SLC52A1: variants seen among roughly 807,000 people sequenced by gnomAD.
SLC52A1 encodes the protein solute carrier family 52 member 1.
A neutral mutation model predicts 23.2 loss-of-function variants in SLC52A1; 20 were observed. That is an observed-to-expected ratio of 0.86 (90% CI 0.61 to 1.25). SLC52A1 has a LOEUF of 1.25. SLC52A1 is among the 50% of genes most tolerant of loss of function. The pLI is 0.00. For missense variants in SLC52A1, 528 were observed against 557.0 expected (o/e 0.95, Z 0.52); for synonymous variants, 260 against 256.6 (o/e 1.01, Z -0.13).
chr17:5,038,969 A>C (rs1485367544), upstream of SLC52A1, among the ~76,000 whole-genome samples: 1 of 152,164 alleles, frequency 6.6e-6, no homozygotes, highest in African/African-American at 2.4e-5. Context: ...CCAAAAGTCC[A>C]ATGGAGTGGC....
rs16954357 is a variant in SLC52A1, at chr17:5,034,672, C to T, written c.-66G>A. 119,163 of 1,587,068 alleles carry T rather than the reference C, an allele frequency of 0.075. 4,986 individuals carry two copies. The highest frequency in any genetic ancestry group is 0.14 in the Middle Eastern group (830 of 5,916). On this transcript the variant is annotated 5_prime_UTR_variant, in exon 2 of 5. Coordinates refer to ENST00000254853, the MANE Select transcript of SLC52A1 (RefSeq NM_017986.4). ...CAGGCAGGTCCTTCCCTAGGTAGGT[C>T]CAAAGATGCTTTGGTTCTTCTGGAA...
In SLC52A1 at chr17:5,032,911, A is replaced by G. The variant is rs1975344018; in HGVS notation, c.*46T>C. On this transcript the variant is annotated 3_prime_UTR_variant, in exon 5 of 5. Coordinates refer to ENST00000254853, the MANE Select transcript of SLC52A1 (RefSeq NM_017986.4). ...AGTAGTCAGGCACTGTGGCAGCCTC[A>G]CGATGAAGACAGGTGGGGTGGAGTT... 6.4e-7 allele frequency: 1 copy of G among 1,561,426 alleles called. No individual in the cohort carries two copies.
upstream of SLC52A1, among the ~76,000 whole-genome samples, chr17:5,040,243 A>C (rs1236171922): frequency 1.3e-5 from 2 of 151,860 alleles, no homozygotes; most frequent in Non-Finnish European, 2.9e-5. Context: ...GTGTCATCAC[A>C]TCTCACTGCA....
In SLC52A1 at chr17:5,033,756, T is replaced by A; in HGVS notation, c.733A>T (p.Lys245Ter). ...LGSPGAEEEE[K>*]EEEEALPLQE... ...AATGGCAAAGCCTCTTCTTCCTCCT[T>A]CTCTTCCTCCTCTGCTCCTGGGGAT... The change falls in exon 3 of 5, where the codon AAG (lysine) becomes TAG (stop). Residue 245 changes from lysine (K) to a stop codon, truncating the protein, a stop_gained. Coordinates refer to ENST00000254853, the MANE Select transcript of SLC52A1 (RefSeq NM_017986.4). LOFTEE classifies it high-confidence loss of function. 6.2e-7 allele frequency: 1 copy of A among 1,614,114 alleles called. No homozygotes were observed. The highest frequency in any genetic ancestry group is 8.5e-7 in the Non-Finnish European group (1 of 1,180,018).
At chr17:5,037,387 C>T (rs1031677160), upstream of SLC52A1, among the ~76,000 whole-genome samples, 20 of 152,026 alleles carry the variant, frequency 1.3e-4, no homozygotes, top group East Asian at 3.9e-4. Flanking sequence ...GGTATGGTGG[C>T]GGGCGCCTGT....
In SLC52A1 at chr17:5,034,079, C is replaced by T. The variant is rs1160538376; in HGVS notation, c.410G>A (p.Ser137Asn). Reference protein sequence around the residue: ...TSNVTFLPFLSHLPPPFLRSF... With the variant: ...TSNVTFLPFLNHLPPPFLRSF... ...CCGTAAGAAAGGAGGTGGCAGGTGG[C>T]TCAGGAAGGGCAGGAAAGTGACATT... Residue 137 changes from serine (S) to asparagine (N), a missense_variant, in exon 3 of 5, where the codon AGC (serine) becomes AAC (asparagine). By Grantham distance (46) the Ser-to-Asn change is conservative. Transcript: ENST00000254853. 6 of 1,614,192 alleles carry T rather than the reference C, an allele frequency of 3.7e-6. No individual in the cohort carries two copies. The highest frequency in any genetic ancestry group is 5.1e-6 in the Non-Finnish European group (6 of 1,180,026).
upstream of SLC52A1, among the ~76,000 whole-genome samples, chr17:5,038,548 C>G (rs1308702787): frequency 1.3e-5 from 2 of 152,102 alleles, no homozygotes; most frequent in Non-Finnish European, 2.9e-5. Flanking sequence ...GTTTCTAATA[C>G]TCCAAGAGGA....
At chr17:5,042,319 G>A (rs1468701055) in intron 1 of SLC52A1, among the ~76,000 whole-genome samples, 1 of 152,138 alleles carries the variant, frequency 6.6e-6, no homozygotes. Flanking sequence ...TCCCGTGTCT[G>A]TGTAGAGAAA....
At chr17:5,036,012 G>A (rs1042492042), upstream of SLC52A1, among the ~76,000 whole-genome samples, 3 of 140,816 alleles carry the variant, frequency 2.1e-5, no homozygotes, top group Admixed American at 1.5e-4. Flanking sequence ...ACCACACCTA[G>A]CTACCGCCAC....
intron 1 of SLC52A1, among the ~76,000 whole-genome samples, chr17:5,041,693 G>C (rs915711234): frequency 1.3e-5 from 2 of 152,040 alleles, no homozygotes; most frequent in Non-Finnish European, 2.9e-5. Context: ...TGGCCAGGCT[G>C]GTCTCGAACT....
In SLC52A1 at chr17:5,041,107, T is replaced by C. The variant is rs376723284; in HGVS notation, c.-107-6394A>G. ...ACCGTGCCCGGCCTGTTGTTATTTTTGAGACAGGGTCTCTGTCGCCCAGGC... is the reference window on the plus strand; with the variant it reads ...ACCGTGCCCGGCCTGTTGTTATTTTCGAGACAGGGTCTCTGTCGCCCAGGC... On this transcript the variant is annotated intron_variant, in intron 1 of 3. Transcript: ENST00000512825. 1.9e-4 allele frequency among the ~76,000 whole-genome samples: 28 copies of C among 151,294 alleles called. No individual in the cohort carries two copies. In the East Asian group the frequency reaches 5.1e-3, roughly 28 times the overall value.
upstream of SLC52A1, among the ~76,000 whole-genome samples, chr17:5,035,754 GC>G (rs58869653): frequency 1 from 151,694 of 151,694 alleles, 75,847 homozygotes; most frequent in Non-Finnish European, 1. Flanking sequence ...GCGCAGCGGT[GC>G]GCGATCGCGG....
chr17:5,036,168 A>T (rs1975452098), upstream of SLC52A1, among the ~76,000 whole-genome samples: 1 of 147,144 alleles, frequency 6.8e-6, no homozygotes, highest in African/African-American at 2.5e-5. Context: ...AGTAGCTGGA[A>T]TTACAGGCGC....
At position 5,033,284 on chromosome 17, in the gene SLC52A1, TG is replaced by T. The variant is rs1321534808; in HGVS notation, c.1110del (p.Thr371ProfsTer22). On this transcript the variant is annotated frameshift_variant, in exon 4 of 5. Coordinates refer to ENST00000254853, the MANE Select transcript of SLC52A1 (RefSeq NM_017986.4). LOFTEE classifies it low-confidence loss of function (END_TRUNC). ...AILSPCPPLVGTTAGVVLVVL... is the reference protein window; with the variant it reads ...AILSPCPPLVXTTAGVVLVVL... ...ACCACAAGGACCACCCCTGCAGTGG[TG>T]CCCACCAGGGGTGGGCAGGGGCTCA... is the stretch of plus-strand genomic sequence containing the variant. The T allele has an allele frequency of 6.2e-7, 1 of 1,614,100 alleles. No homozygotes were observed. Among genetic ancestry groups the T allele is most frequent in the Admixed American group, 1.7e-5 (1 of 60,024 alleles).
At chr17:5,040,768 A>G (rs1212157710) in intron 1 of SLC52A1, among the ~76,000 whole-genome samples, 1 of 149,968 alleles carries the variant, frequency 6.7e-6, no homozygotes, top group East Asian at 1.9e-4. Flanking sequence ...TTCACCATAA[A>G]CCTATCATAA....
At position 5,034,563 on chromosome 17, in the gene SLC52A1, A is replaced by G; in HGVS notation, c.44T>C (p.Leu15Pro). Residue 15 changes from leucine to proline, a missense_variant, in exon 2 of 5, where the codon CTG becomes CCG. Transcript: ENST00000254853. ...TLGRLVLTHLLVALFGMGSWA... is the reference protein window; with the variant it reads ...TLGRLVLTHLPVALFGMGSWA... ...GGAGCCCATGCCAAAAAGGGCCACC[A>G]GCAGGTGGGTCAGCACCAGACGGCC... 6.2e-7 allele frequency: 1 copy of G among 1,614,238 alleles called. No homozygotes were observed. The highest frequency in any genetic ancestry group is 1.1e-5 in the South Asian group (1 of 91,086).
upstream of SLC52A1, among the ~76,000 whole-genome samples, chr17:5,039,193 C>T (rs567014995): frequency 9.2e-5 from 14 of 151,744 alleles, no homozygotes; most frequent in Middle Eastern, 3.4e-3. Flanking sequence ...CTTGGTGGCA[C>T]GCACCTGTAG....
At position 5,034,055 on chromosome 17, in the gene SLC52A1, C is replaced by G; in HGVS notation, c.434G>C (p.Arg145Pro). The G allele has an allele frequency of 6.2e-7, 1 of 1,614,092 alleles. No homozygotes were observed. Among genetic ancestry groups the G allele is most frequent in the Non-Finnish European group, 8.5e-7 (1 of 1,179,998 alleles). The part of the protein sequence containing the change: ...FLSHLPPPFL[R>P]SFFLGQGLSA... The stretch of plus-strand genomic sequence containing the variant: ...GAGACCCTGACCCAGGAAGAAAGAC[C>G]GTAAGAAAGGAGGTGGCAGGTGGCT... Residue 145 changes from arginine (R) to proline (P), a missense_variant, in exon 3 of 5, where the codon CGG (arginine) becomes CCG (proline). Arg to Pro is a moderately radical substitution (Grantham distance 103, BLOSUM62 -2). Transcript: ENST00000254853.
rs1057236840 is a variant in SLC52A1 at position 5,032,852 on chromosome 17, G to A, written c.*105C>T. The A allele has an allele frequency of 5.5e-5, 57 of 1,034,044 alleles. No homozygotes were observed. Among genetic ancestry groups the A allele is most frequent in the Non-Finnish European group, 8.0e-5 (56 of 697,452 alleles). The allele number at this position is 1,034,044 out of a possible 1,614,324, so 64.1% of individuals were successfully genotyped here. On this transcript the variant is annotated 3_prime_UTR_variant, in exon 5 of 5. Coordinates refer to ENST00000254853, the MANE Select transcript of SLC52A1 (RefSeq NM_017986.4). ...GTGGAGTGTGCAGGTGTCCATGAGC[G>A]TTCCTGTGTTGGGGGAAGCCTGCCT...
Sources: allele counts gnomAD v4.1 joint callset (sites outside exome capture counted in the v4.1 genomes callset), GRCh38; gene constraint gnomAD v4.1.1; transcripts MANE v1.5; gene names NCBI Gene and HGNC (gene_info 2026-07-23, HGNC 2026-07-21).